PTPRN2: variants seen among roughly 807,000 people sequenced by gnomAD.
PTPRN2 encodes the protein receptor-type tyrosine-protein phosphatase N2.
Under a neutral mutation model 118.8 loss-of-function variants are expected in PTPRN2, and 74 were observed. The observed-to-expected ratio is 0.62, with a 90% CI of 0.52 to 0.76. The LOEUF is 0.76. Ranked by LOEUF, PTPRN2 falls within the 30% of genes least tolerant of loss-of-function variation. PTPRN2 has a pLI of 0.00. For synonymous variants in PTPRN2, 641 were observed against 608.0 expected (o/e 1.05, Z -0.80); for missense variants, 1,481 against 1,394.4 (o/e 1.06, Z -0.99).
chr7:157,774,849 T>A (rs1037134592), intron 12 of PTPRN2, among the ~76,000 whole-genome samples: 1 of 152,132 alleles, frequency 6.6e-6, no homozygotes, highest in Non-Finnish European at 1.5e-5. Context: ...CGGGGGAGGC[T>A]TCCTCTAGAG....
intron 3 of PTPRN2, among the ~76,000 whole-genome samples, chr7:158,271,050 C>CAT (rs1164227575): frequency 4.2e-5 from 6 of 144,106 alleles, no homozygotes; most frequent in Non-Finnish European, 9.2e-5. Context: ...TGGGCCTCCC[C>CAT]CCAACCTGGG....
intron 2 of PTPRN2, among the ~76,000 whole-genome samples, chr7:158,446,504 G>A (rs140556528): frequency 0.018 from 2,768 of 151,948 alleles, 88 homozygotes; most frequent in African/African-American, 0.064. Flanking sequence ...AGACCCACCC[G>A]AGCCACAGCC....
chr7:158,382,375 T>C (rs1398062383), intron 2 of PTPRN2, among the ~76,000 whole-genome samples: 3 of 152,128 alleles, frequency 2.0e-5, no homozygotes, highest in Admixed American at 2.0e-4. Context: ...TAAAACAGCA[T>C]GGAATTTGCA....
At chr7:158,114,048 A>G (rs1816525018) in intron 9 of PTPRN2, among the ~76,000 whole-genome samples, 1 of 152,240 alleles carries the variant, frequency 6.6e-6, no homozygotes, top group African/African-American at 2.4e-5. Context: ...ACTGGAGCCC[A>G]GGACAGTGTA....
At chr7:158,321,430 G>GGCCCT (rs1229851930) in intron 2 of PTPRN2, among the ~76,000 whole-genome samples, 2 of 152,156 alleles carry the variant, frequency 1.3e-5, no homozygotes, top group East Asian at 1.9e-4. Context: ...CCTGTGCCAT[G>GGCCCT]GCCCTGCAGC....
intron 2 of PTPRN2, among the ~76,000 whole-genome samples, chr7:158,359,915 T>C (rs1808723345): frequency 6.6e-6 from 1 of 152,086 alleles, no homozygotes; most frequent in Non-Finnish European, 1.5e-5. Context: ...ACACTGGAGA[T>C]GTCAGCTGTG....
intron 17 of PTPRN2, 143 bp from the exon 18 acceptor site, chr7:157,578,283 C>G (rs1024260352): frequency 6.7e-6 from 7 of 1,045,956 alleles, no homozygotes; most frequent in Non-Finnish European, 9.3e-6. Flanking sequence ...GTTTACTCCG[C>G]AGCTGCCTGA....
At chr7:157,692,245 C>A (rs1585247973) in intron 12 of PTPRN2, among the ~76,000 whole-genome samples, 1 of 152,146 alleles carries the variant, frequency 6.6e-6, no homozygotes, top group East Asian at 1.9e-4. Context: ...ACCCGGCTGC[C>A]CGCGGCGCCC....
At chr7:157,859,950 C>CA (rs1329233794) in intron 12 of PTPRN2, among the ~76,000 whole-genome samples, 1 of 143,682 alleles carries the variant, frequency 7.0e-6, no homozygotes, top group Non-Finnish European at 1.5e-5. Context: ...GAGAGCCCCC[C>CA]AGCCACTGTA....
In PTPRN2 at chr7:158,570,409, C is replaced by T. The variant is rs143867010; in HGVS notation, c.112+17149G>A. On this transcript the variant is annotated intron_variant, in intron 1 of 22. Transcript: ENST00000389418. The surrounding 1 kb of genome is among the most constrained non-coding windows in gnomAD (Gnocchi z 4.5). ...TGCGTCCAACCAGATGAGGACAGAA[C>T]CGAGCGCCCTCCAGCACCCTCTCCC... Among the ~76,000 whole-genome samples, 100 of 152,324 alleles carry T rather than the reference C, an allele frequency of 6.6e-4. No individual in the cohort carries two copies. The highest frequency in any genetic ancestry group is 2.3e-3 in the African/African-American group (96 of 41,576).
At chr7:157,993,831 G>A (rs1311624056) in intron 11 of PTPRN2, among the ~76,000 whole-genome samples, 1 of 152,076 alleles carries the variant, frequency 6.6e-6, no homozygotes, top group Non-Finnish European at 1.5e-5. Context: ...GAGCAGACAG[G>A]CCCAGAGCTG....
At chr7:157,688,054 A>G (rs1021107065) in intron 12 of PTPRN2, among the ~76,000 whole-genome samples, 1 of 152,248 alleles carries the variant, frequency 6.6e-6, no homozygotes, top group Non-Finnish European at 1.5e-5. Context: ...TCCTCCGTGC[A>G]GATGAAATTG....
At chr7:157,896,638 C>T (rs537595890) in intron 12 of PTPRN2, among the ~76,000 whole-genome samples, 3 of 144,236 alleles carry the variant, frequency 2.1e-5, no homozygotes, top group East Asian at 2.1e-4. Flanking sequence ...CTCACGTGTG[C>T]GTGGGAAGGA....
At chr7:157,685,311 C>G (rs915893280) in intron 12 of PTPRN2, among the ~76,000 whole-genome samples, 3 of 151,984 alleles carry the variant, frequency 2.0e-5, no homozygotes, top group African/African-American at 4.8e-5. Context: ...TGACTGCGCC[C>G]GGGAACAGGG....
At chr7:157,795,420 C>G (rs1585489481) in intron 12 of PTPRN2, among the ~76,000 whole-genome samples, 1 of 152,236 alleles carries the variant, frequency 6.6e-6, no homozygotes, top group East Asian at 1.9e-4. Flanking sequence ...CTCACCCTCC[C>G]CAGGGGGCTG....
In PTPRN2 at chr7:157,674,243, G is replaced by C. The variant is rs993391738; in HGVS notation, c.2001+8482C>G. ...TCCGGGCCGAAGGGGACTTGGGCCT[G>C]GGAGAGAAGAGACAGCCAGGCGGCG... On this transcript the variant is annotated intron_variant, in intron 13 of 22. Coordinates refer to ENST00000389418, the MANE Select transcript of PTPRN2 (RefSeq NM_002847.5). The surrounding 1 kb of genome is among the most constrained non-coding windows in gnomAD (Gnocchi z 4.5). 6.6e-6 allele frequency among the ~76,000 whole-genome samples: 1 copy of C among 152,176 alleles called. No homozygotes were observed. Among genetic ancestry groups the C allele is most frequent in the Admixed American group, 6.5e-5 (1 of 15,284 alleles).
At chr7:158,250,155 G>T (rs1796564767) in intron 3 of PTPRN2, among the ~76,000 whole-genome samples, 1 of 152,094 alleles carries the variant, frequency 6.6e-6, no homozygotes, top group African/African-American at 2.4e-5. Flanking sequence ...TTATAATAAA[G>T]AAAATACTTA....
intron 13 of PTPRN2, among the ~76,000 whole-genome samples, chr7:157,662,017 C>T (rs891034877): frequency 6.6e-6 from 1 of 152,200 alleles, no homozygotes; most frequent in African/African-American, 2.4e-5. Flanking sequence ...AAAAACAGAC[C>T]TAACTTTGGT....
intron 2 of PTPRN2, among the ~76,000 whole-genome samples, chr7:158,362,752 A>G (rs1203578612): frequency 6.6e-6 from 1 of 152,208 alleles, no homozygotes; most frequent in Non-Finnish European, 1.5e-5. Context: ...ACTCGAGTCC[A>G]GATGAGAGGT....
Sources: allele counts gnomAD v4.1 joint callset (sites outside exome capture counted in the v4.1 genomes callset), GRCh38; gene constraint gnomAD v4.1.1; non-coding constraint Gnocchi (gnomAD v3.1); transcripts MANE v1.5; gene names NCBI Gene and HGNC (gene_info 2026-07-23, HGNC 2026-07-21).